ATRNL1: variants seen among roughly 807,000 people sequenced by gnomAD.
The protein encoded by ATRNL1 is attractin like 1.
In ATRNL1, 95 loss-of-function variants were observed where a neutral mutation model predicts 182.7. The observed-to-expected ratio is 0.52, with a 90% CI of 0.44 to 0.62. The LOEUF (loss-of-function observed/expected upper bound fraction) is 0.62, where lower values mean the gene tolerates loss of function less well. Ranked by LOEUF, ATRNL1 falls within the 20% of genes least tolerant of loss-of-function variation. The pLI, the probability that ATRNL1 is intolerant of heterozygous loss-of-function variation, is 0.00. For missense variants in ATRNL1, 1,471 were observed against 1,679.5 expected, an observed-to-expected ratio of 0.88 and a Z score of 2.17; for synonymous variants, 576 against 568.3, an observed-to-expected ratio of 1.01 and a Z score of -0.19.
At chr10:115,443,046 G>A (rs1006165698) in intron 21 of ATRNL1, among the ~76,000 whole-genome samples, 6 of 151,828 alleles carry the variant, frequency 4.0e-5, no homozygotes, top group African/African-American at 1.5e-4. Flanking sequence ...TTATTTCTGG[G>A]ATTTCATTTG....
At position 115,589,708 on chromosome 10, in the gene ATRNL1, G is replaced by T. The variant is rs541971706; in HGVS notation, c.3795+40172G>T. ...AAATTTAGCAAATCTCATTAATTTT[G>T]ATTGTAACTTTGAATTATATTGCTT... is the stretch of plus-strand genomic sequence containing the variant. On this transcript the variant is annotated intron_variant, in intron 26 of 28. Coordinates refer to ENST00000355044, the MANE Select transcript of ATRNL1 (RefSeq NM_207303.4). Among the ~76,000 whole-genome samples the T allele has an allele frequency of 5.9e-5, 9 of 152,170 alleles. No individual in the cohort carries two copies. In the East Asian group the frequency reaches 9.7e-4, roughly 16 times the overall value.
chr10:115,183,062 A>G (rs1847808754), intron 8 of ATRNL1, among the ~76,000 whole-genome samples: 1 of 151,542 alleles, frequency 6.6e-6, no homozygotes, highest in South Asian at 2.1e-4. Context: ...ATAAAAAATT[A>G]GTAGTTTCCC....
intron 24 of ATRNL1, among the ~76,000 whole-genome samples, chr10:115,510,928 G>A (rs1285701341): frequency 6.6e-6 from 1 of 151,904 alleles, no homozygotes; most frequent in Non-Finnish European, 1.5e-5. Flanking sequence ...TGTCAGTTAA[G>A]TTTGTGTATT....
At chr10:115,933,942 C>T (rs1555122258) in intron 28 of ATRNL1, among the ~76,000 whole-genome samples, 3 of 152,118 alleles carry the variant, frequency 2.0e-5, no homozygotes, top group African/African-American at 2.4e-5. Flanking sequence ...AGTTTTCCAC[C>T]GAAGATTTGC....
At chr10:115,887,002 T>C (rs533360450) in intron 28 of ATRNL1, among the ~76,000 whole-genome samples, 1 of 152,340 alleles carries the variant, frequency 6.6e-6, no homozygotes, top group Non-Finnish European at 1.5e-5. Flanking sequence ...AGTACATTCG[T>C]TCTAGTTTGC....
Position 115,523,112 on chromosome 10 carries a change from C to A in ATRNL1, c.3716+3788C>A, listed in dbSNP as rs540470169. ...GGCTTTTCAATACATCCCCTGAAAT[C>A]TCAGTGGAAGCCGACAAGCCTCTAG... On this transcript the variant is annotated intron_variant, in intron 25 of 28. Coordinates refer to ENST00000355044, the MANE Select transcript of ATRNL1 (RefSeq NM_207303.4). Among the ~76,000 whole-genome samples, 4 of 152,324 alleles carry A rather than the reference C, an allele frequency of 2.6e-5. No individual in the cohort carries two copies. In the South Asian group the frequency reaches 8.3e-4, roughly 32 times the overall value.
At chr10:115,471,293 G>A (rs897361824) in intron 24 of ATRNL1, among the ~76,000 whole-genome samples, 2 of 150,964 alleles carry the variant, frequency 1.3e-5, no homozygotes, top group African/African-American at 4.8e-5. Context: ...TGGAAATAAC[G>A]TTGTAAAGAA....
chr10:115,756,529 C>T (rs2134133375), intron 27 of ATRNL1, among the ~76,000 whole-genome samples: 1 of 152,136 alleles, frequency 6.6e-6, no homozygotes. Flanking sequence ...GTCTCAGAAA[C>T]TGTTTGTCAT....
intron 28 of ATRNL1, among the ~76,000 whole-genome samples, chr10:115,860,506 TAATAGATACATAA>T (rs1478667920): frequency 1.2e-4 from 19 of 152,174 alleles, no homozygotes; most frequent in Non-Finnish European, 2.4e-4. Flanking sequence ...TTGTCCATAT[TAATAGATACATAA>T]AATAGATACA....
chr10:115,469,075 T>G, intron 23 of ATRNL1, 97 bp from the exon 24 acceptor site: 1 of 422,258 alleles, frequency 2.4e-6, no homozygotes, highest in Non-Finnish European at 4.0e-6. Flanking sequence ...TTTTGATAAT[T>G]ATTTTTATAA....
chr10:115,634,683 A>G (rs1428448205), intron 26 of ATRNL1, among the ~76,000 whole-genome samples: 1 of 152,164 alleles, frequency 6.6e-6, no homozygotes, highest in Non-Finnish European at 1.5e-5. Context: ...TTAATCTAAA[A>G]TATTTAAAAT....
At position 115,355,077 on chromosome 10, in the gene ATRNL1, A is replaced by G. The variant is rs370463552; in HGVS notation, c.3175+20658A>G. On this transcript the variant is annotated intron_variant, in intron 19 of 28. Transcript: ENST00000355044. Reference sequence around the variant, plus strand: ...CTTGAAATGCATCATGTTTTCTCAAAACAGGTGTATTGAATTCTTTGTCTG... The same window carrying G: ...CTTGAAATGCATCATGTTTTCTCAAGACAGGTGTATTGAATTCTTTGTCTG... Among the ~76,000 whole-genome samples, 123 of 152,018 alleles carry G rather than the reference A, an allele frequency of 8.1e-4. 2 individuals carry two copies. In the South Asian group the frequency reaches 0.025, roughly 31 times the overall value.
At chr10:115,230,673 G>A (rs782201372) in intron 9 of ATRNL1, among the ~76,000 whole-genome samples, 17 of 152,100 alleles carry the variant, frequency 1.1e-4, no homozygotes, top group Non-Finnish European at 2.2e-4. Flanking sequence ...TTACAGGAGC[G>A]GTGTTGTAAT....
At chr10:115,614,702 G>GC (rs1857342966) in intron 26 of ATRNL1, among the ~76,000 whole-genome samples, 1 of 152,034 alleles carries the variant, frequency 6.6e-6, no homozygotes, top group African/African-American at 2.4e-5. Flanking sequence ...GTGTGCTCCA[G>GC]TGCGTGTGTG....
At chr10:115,900,988 T>C (rs557728498) in intron 28 of ATRNL1, among the ~76,000 whole-genome samples, 3 of 152,298 alleles carry the variant, frequency 2.0e-5, no homozygotes, top group Non-Finnish European at 2.9e-5. Context: ...GATTCTACAA[T>C]GTAGAAGAGT....
At chr10:115,484,188 T>A (rs968818133) in intron 24 of ATRNL1, among the ~76,000 whole-genome samples, 1 of 151,528 alleles carries the variant, frequency 6.6e-6, no homozygotes, top group Non-Finnish European at 1.5e-5. Context: ...AATCTATATC[T>A]CATTGATATT....
chr10:115,216,710 A>G (rs1481232357), intron 9 of ATRNL1, among the ~76,000 whole-genome samples: 4 of 151,856 alleles, frequency 2.6e-5, no homozygotes, highest in African/African-American at 7.2e-5. Context: ...GACAGTATAC[A>G]TTCTTTTAAA....
intron 9 of ATRNL1, among the ~76,000 whole-genome samples, chr10:115,236,760 C>G (rs1251462435): frequency 2.0e-5 from 3 of 152,086 alleles, no homozygotes; most frequent in African/African-American, 7.2e-5. Context: ...TACTCATTAA[C>G]TAAGTCCATA....
At chr10:115,508,713 G>T (rs1282077881) in intron 24 of ATRNL1, among the ~76,000 whole-genome samples, 1 of 152,048 alleles carries the variant, frequency 6.6e-6, no homozygotes, top group African/African-American at 2.4e-5. Flanking sequence ...TCTGAGAGAG[G>T]TGAGGAAGAT....
Sources: allele counts gnomAD v4.1 joint callset (sites outside exome capture counted in the v4.1 genomes callset), GRCh38; gene constraint gnomAD v4.1.1; transcripts MANE v1.5; gene names NCBI Gene and HGNC (gene_info 2026-07-23, HGNC 2026-07-21).